The following PROSER2 variants were observed in gnomAD, a reference collection of about 807,000 sequenced individuals.
PROSER2 encodes the protein proline and serine-rich protein 2.
A neutral mutation model predicts 14.6 loss-of-function variants in PROSER2; 18 were observed. The ratio of observed to expected loss-of-function variants is 1.23; its 90% confidence interval spans 0.85 to 1.83. The LOEUF (loss-of-function observed/expected upper bound fraction) is 1.83. Among genes scored for constraint, PROSER2 ranks in the 40% most tolerant of loss-of-function variants. The pLI is 0.00. For missense variants in PROSER2, 823 were observed against 629.8 expected (o/e 1.31, Z -3.28); for synonymous variants, 367 against 286.4 (o/e 1.28, Z -2.84).
rs1834440324 is a variant in PROSER2, at chr10:11,869,977, C to T, written c.879C>T (p.Ala293=). ...AQVLATIHGH[A]GAFPAAGDAG... ...TGTTGGCCACCATCCACGGCCACGC[C>T]GGCGCCTTCCCCGCCGCGGGGGACG... Residue 293 remains alanine (A), a synonymous_variant, in exon 4 of 4, where the codon GCC becomes GCT. Transcript: ENST00000277570. The surrounding 1 kb of genome is among the most constrained non-coding windows in gnomAD (Gnocchi z 4.4). 22 of 1,307,644 alleles carry T rather than the reference C, an allele frequency of 1.7e-5. No homozygotes were observed. Among genetic ancestry groups the T allele is most frequent in the Middle Eastern group, 2.8e-4 (1 of 3,520 alleles). The allele number at this position is 1,307,644 out of a possible 1,614,324, so 81.0% of individuals were successfully genotyped here. A position where few individuals can be genotyped will look rare whatever the true frequency, so the allele number is the denominator to read the frequency against.
intron 1 of PROSER2, among the ~76,000 whole-genome samples, chr10:11,848,915 G>A (rs1212724786): frequency 6.6e-6 from 1 of 152,134 alleles, no homozygotes; most frequent in African/African-American, 2.4e-5. Flanking sequence ...CAAGCCAGGT[G>A]TGGTGGCTCA....
At position 11,872,097 on chromosome 10, in the gene PROSER2, A is replaced by G. The variant is rs1834500142; in HGVS notation, c.*1691A>G. ...CTCTTTACAAGGCAAGATGCCATACAGTGTTCAATAATAGAAGGTCTTGAT... is the reference window on the plus strand; with the variant it reads ...CTCTTTACAAGGCAAGATGCCATACGGTGTTCAATAATAGAAGGTCTTGAT... On this transcript the variant is annotated 3_prime_UTR_variant, in exon 4 of 4. Coordinates refer to ENST00000277570, the MANE Select transcript of PROSER2 (RefSeq NM_153256.4). 1.3e-5 allele frequency: 2 copies of G among 152,334 alleles called. No homozygotes were observed. The highest frequency in any genetic ancestry group is 3.4e-3 in the Middle Eastern group (1 of 294). 9.4% of individuals were successfully genotyped at this position (152,334 alleles called of 1,614,324 possible). A position where few individuals can be genotyped will look rare whatever the true frequency, so the allele number is the denominator to read the frequency against.
At position 11,869,638 on chromosome 10, in the gene PROSER2, G is replaced by T. The variant is rs1196289361; in HGVS notation, c.540G>T (p.Pro180=). ...GGAGGGAGCTGCGCGCCCCCTCCCCGCCGGTGGAGCACCCCAGACTCCTGC... is the reference window on the plus strand; with the variant it reads ...GGAGGGAGCTGCGCGCCCCCTCCCCTCCGGTGGAGCACCCCAGACTCCTGC... ...PPRRELRAPS[P]PVEHPRLLRS... The change falls in exon 4 of 4, where the codon CCG becomes CCT. Residue 180 remains proline (P), a synonymous_variant. Transcript: ENST00000277570. This position sits in a 1 kb window ranked among gnomAD's most constrained non-coding sequence, Gnocchi z 4.4. 2 of 1,597,652 alleles carry T rather than the reference G, an allele frequency of 1.3e-6. No individual in the cohort carries two copies. Among genetic ancestry groups the T allele is most frequent in the Admixed American group, 3.4e-5 (2 of 58,410 alleles).
intron 2 of PROSER2, among the ~76,000 whole-genome samples, chr10:11,852,550 G>A (rs200528245): frequency 7.8e-6 from 1 of 128,692 alleles, no homozygotes; most frequent in South Asian, 2.4e-4. Flanking sequence ...TCTTTTTTTT[G>A]AGACAGAGTC....
rs2131087469 is a variant in PROSER2, at chr10:11,862,941, CAAGT to C, written c.139-3589_139-3586del. 1 of 152,306 alleles carries C rather than the reference CAAGT, an allele frequency of 6.6e-6. No individual in the cohort carries two copies. The allele number at this position is 152,306 out of a possible 1,614,324, so 9.4% of individuals were successfully genotyped here. A position where few individuals can be genotyped will look rare whatever the true frequency, so the allele number is the denominator to read the frequency against. On this transcript the variant is annotated intron_variant, in intron 2 of 3. Coordinates refer to ENST00000277570, the MANE Select transcript of PROSER2 (RefSeq NM_153256.4). This position sits in a 1 kb window ranked among gnomAD's most constrained non-coding sequence, Gnocchi z 4.2. Reference sequence around the variant, plus strand: ...CTAGAGCAACCAGCCCTGCCGAAAGCAAGTGTCAGTCAGTACAACCACTTCGGAA... The same window carrying C: ...CTAGAGCAACCAGCCCTGCCGAAAGCGTCAGTCAGTACAACCACTTCGGAA...
At chr10:11,863,636 A>C (rs1258448775) in intron 2 of PROSER2, among the ~76,000 whole-genome samples, 2 of 152,132 alleles carry the variant, frequency 1.3e-5, no homozygotes, top group East Asian at 3.8e-4. Flanking sequence ...ATCAGTCCGC[A>C]TGTACCACCT....
chr10:11,854,634 T>G (rs1231814147), intron 2 of PROSER2, among the ~76,000 whole-genome samples: 4 of 122,204 alleles, frequency 3.3e-5, no homozygotes, highest in African/African-American at 1.2e-4. Flanking sequence ...TTTTTTTTTT[T>G]GCAACCTCTG....
intron 2 of PROSER2, 99 bp downstream of exon 2, chr10:11,852,314 G>T (rs1834036561): frequency 7.7e-7 from 1 of 1,303,718 alleles, no homozygotes; most frequent in East Asian, 2.5e-5. Context: ...GATCTTTTTG[G>T]GTCAACTAGC....
chr10:11,828,300 T>TG lies in PROSER2; in HGVS notation c.-82+4831dup, dbSNP rs369633914. Among the ~76,000 whole-genome samples, 416 of 103,540 alleles carry TG rather than the reference T, an allele frequency of 4.0e-3. 1 individual carries two copies. Among genetic ancestry groups the TG allele is most frequent in the African/African-American group, 9.0e-3 (273 of 30,486 alleles). 67.9% of individuals were successfully genotyped at this position (103,540 alleles called of 152,430 possible). A position where few individuals can be genotyped will look rare whatever the true frequency, so the allele number is the denominator to read the frequency against. ...ATATTACTTAAAGGAACTCTCTGTG[T>TG]GAAAAAAAAAAAAAAAAGTCTATAC... is the stretch of plus-strand genomic sequence containing the variant. On this transcript the variant is annotated intron_variant, in intron 1 of 3. Transcript: ENST00000277570.
chr10:11,835,325 A>T (rs549564273), intron 1 of PROSER2, among the ~76,000 whole-genome samples: 6 of 151,958 alleles, frequency 3.9e-5, no homozygotes, highest in Non-Finnish European at 8.8e-5. Context: ...TGACATGGAC[A>T]TTGGGCTAGG....
At chr10:11,848,021 C>T (rs1833950535) in intron 1 of PROSER2, among the ~76,000 whole-genome samples, 2 of 152,220 alleles carry the variant, frequency 1.3e-5, no homozygotes, top group South Asian at 2.1e-4. Context: ...CCTCCATCCT[C>T]GTCTTCACCC....
chr10:11,850,565 TTATTTTAC>T (rs1486345509), intron 1 of PROSER2: 1 of 152,254 alleles, frequency 6.6e-6, no homozygotes, highest in African/African-American at 2.4e-5. Context: ...GACTTTGTCT[TTATTTTAC>T]TATTTGGAAT....
At position 11,838,339 on chromosome 10, in the gene PROSER2, C is replaced by G; in HGVS notation, c.-81-13658C>G. Among the ~76,000 whole-genome samples, 1 of 152,200 alleles carries G rather than the reference C, an allele frequency of 6.6e-6. No individual in the cohort carries two copies. Among genetic ancestry groups the G allele is most frequent in the East Asian group, 1.9e-4 (1 of 5,200 alleles). ...GAGTGCTTTGAAGGTCTGTGCATGG[C>G]CTCATCCAGCTGATCTAACTGATGT... On this transcript the variant is annotated intron_variant, in intron 1 of 3. Coordinates refer to ENST00000277570, the MANE Select transcript of PROSER2 (RefSeq NM_153256.4). The surrounding 1 kb of genome is among the most constrained non-coding windows in gnomAD (Gnocchi z 4.4).
rs966714390 is a variant in PROSER2, at chr10:11,870,668, G to C, written c.*262G>C. ...CTCCCTTTTCCCAAGAACTGAGAGA[G>C]AGAGAATAACCTGTTAGACCCATAG... On this transcript the variant is annotated 3_prime_UTR_variant, in exon 4 of 4. Transcript: ENST00000277570. 1.4e-5 allele frequency: 6 copies of C among 418,806 alleles called. No homozygotes were observed. Among genetic ancestry groups the C allele is most frequent in the Non-Finnish European group, 2.6e-5 (6 of 228,550 alleles). The allele number at this position is 418,806 out of a possible 1,614,324, so 25.9% of individuals were successfully genotyped here.
Position 11,866,370 on chromosome 10 carries a change from T to C in PROSER2, c.139-161T>C, listed in dbSNP as rs920257442. ...CGGAACACGTTCTCTTCCATCTGGG[T>C]GATGGAGAGGCACACGCAGGCACTG... On this transcript the variant is annotated intron_variant, in intron 2 of 3. Coordinates refer to ENST00000277570, the MANE Select transcript of PROSER2 (RefSeq NM_153256.4). This position sits in a 1 kb window ranked among gnomAD's most constrained non-coding sequence, Gnocchi z 6.0. Among the ~76,000 whole-genome samples the C allele has an allele frequency of 2.0e-5, 3 of 152,108 alleles. No individual in the cohort carries two copies. Among genetic ancestry groups the C allele is most frequent in the Non-Finnish European group, 2.9e-5 (2 of 68,016 alleles).
chr10:11,868,843 G>T (rs929649750), intron 3 of PROSER2, among the ~76,000 whole-genome samples: 1 of 152,100 alleles, frequency 6.6e-6, no homozygotes, highest in Non-Finnish European at 1.5e-5. Context: ...TAGAGACAAG[G>T]TTTCACCACG....
chr10:11,825,748 T>C (rs528648131), intron 1 of PROSER2, among the ~76,000 whole-genome samples: 3 of 152,324 alleles, frequency 2.0e-5, no homozygotes, highest in African/African-American at 4.8e-5. Context: ...AGGGAAGGAC[T>C]GTATGGGGAG....
rs1478919144 is a variant in PROSER2 at position 11,869,908 on chromosome 10, C to T, written c.810C>T (p.Thr270=). 37 of 1,582,200 alleles carry T rather than the reference C, an allele frequency of 2.3e-5. No homozygotes were observed. The highest frequency in any genetic ancestry group is 3.0e-5 in the Non-Finnish European group (35 of 1,167,442). Residue 270 remains threonine (T), a synonymous_variant, in exon 4 of 4, where the codon ACC becomes ACT. Coordinates refer to ENST00000277570, the MANE Select transcript of PROSER2 (RefSeq NM_153256.4). This position sits in a 1 kb window ranked among gnomAD's most constrained non-coding sequence, Gnocchi z 4.4. ...GCGCGGCCCGGGAGCCCCGCAGGAC[C>T]CTGTCCAGGGCGGCCGTCAGCGTGC... is the stretch of plus-strand genomic sequence containing the variant. ...TNGAAREPRR[T]LSRAAVSVQE...
chr10:11,866,403 G>C lies in PROSER2; in HGVS notation c.139-128G>C. 9.3e-7 allele frequency: 1 copy of C among 1,077,606 alleles called. No individual in the cohort carries two copies. Among genetic ancestry groups the C allele is most frequent in the Non-Finnish European group, 1.4e-6 (1 of 735,042 alleles). 66.8% of individuals were successfully genotyped at this position (1,077,606 alleles called of 1,614,324 possible). A position where few individuals can be genotyped will look rare whatever the true frequency, so the allele number is the denominator to read the frequency against. ...AGGCACACGCAGGCACTGTGTGGCAGGGTACTCTCGGGACACAGTGAGTTC... is the reference window on the plus strand; with the variant it reads ...AGGCACACGCAGGCACTGTGTGGCACGGTACTCTCGGGACACAGTGAGTTC... On this transcript the variant is annotated intron_variant, in intron 2 of 3. Coordinates refer to ENST00000277570, the MANE Select transcript of PROSER2 (RefSeq NM_153256.4). This position sits in a 1 kb window ranked among gnomAD's most constrained non-coding sequence, Gnocchi z 6.0.
Sources: allele counts gnomAD v4.1 joint callset (sites outside exome capture counted in the v4.1 genomes callset), GRCh38; gene constraint gnomAD v4.1.1; non-coding constraint Gnocchi (gnomAD v3.1); transcripts MANE v1.5; gene names NCBI Gene and HGNC (gene_info 2026-07-23, HGNC 2026-07-21).